The following NEMP1 variants were observed in gnomAD, a reference collection of about 807,000 sequenced individuals.
NEMP1 encodes nuclear envelope integral membrane protein 1, also known as transmembrane protein 194.
A neutral mutation model predicts 53.7 loss-of-function variants in NEMP1; 29 were observed. That is an observed-to-expected ratio of 0.54 (90% confidence interval 0.40 to 0.74). The LOEUF (loss-of-function observed/expected upper bound fraction) is 0.74, where lower values mean the gene tolerates loss of function less well. Ranked by LOEUF, NEMP1 falls within the 30% of genes least tolerant of loss-of-function variation. The pLI is 0.00. For missense variants in NEMP1, 477 were observed against 528.6 expected (o/e 0.90, Z 0.96); for synonymous variants, 193 against 192.9 (o/e 1.00, Z 0.00).
intron 8 of NEMP1, among the ~76,000 whole-genome samples, chr12:57,060,409 T>C (rs2031742128): frequency 6.6e-6 from 1 of 152,220 alleles, no homozygotes; most frequent in African/African-American, 2.4e-5. Flanking sequence ...CTGTAAACTT[T>C]ATGCCATCAT....
At position 57,056,948 on chromosome 12, in the gene NEMP1, A is replaced by C. The variant is rs2136473082; in HGVS notation, c.*2931T>G. On this transcript the variant is annotated 3_prime_UTR_variant, in exon 9 of 9. Coordinates refer to ENST00000300128, the MANE Select transcript of NEMP1 (RefSeq NM_001130963.2). The stretch of plus-strand genomic sequence containing the variant: ...AACAGACGTAAAAATCATGAATTTG[A>C]GGGGAAAAATAAACTAGTTTTGGTG... 1.3e-5 allele frequency: 2 copies of C among 152,312 alleles called. No individual in the cohort carries two copies. The highest frequency in any genetic ancestry group is 3.9e-4 in the East Asian group (2 of 5,190). 9.4% of individuals were successfully genotyped at this position (152,312 alleles called of 1,614,324 possible).
intron 6 of NEMP1, 63 bp from the exon 7 acceptor site, chr12:57,063,407 G>T: frequency 7.2e-7 from 1 of 1,380,292 alleles, no homozygotes; most frequent in East Asian, 2.3e-5. Context: ...TAATTTGTGT[G>T]GGAAGCAGTA....
chr12:57,075,500 CAATAAATAAATA>C lies in NEMP1; in HGVS notation c.128-2600_128-2589del, dbSNP rs71084729. Among the ~76,000 whole-genome samples, 113 of 144,718 alleles carry C rather than the reference CAATAAATAAATA, an allele frequency of 7.8e-4. No homozygotes were observed. In the East Asian group the frequency reaches 0.011, roughly 14 times the overall value. The allele number at this position is 144,718 out of a possible 152,430, so 94.9% of individuals were successfully genotyped here. Reference sequence around the variant, plus strand: ...ACAGAGCAAGACTCCATCTCAATATCAATAAATAAATAAATAAATAAATAAATAAATAAATAG... The same window carrying C: ...ACAGAGCAAGACTCCATCTCAATATCAATAAATAAATAAATAAATAAATAG... On this transcript the variant is annotated intron_variant, in intron 1 of 8. Coordinates refer to ENST00000300128, the MANE Select transcript of NEMP1 (RefSeq NM_001130963.2).
chr12:57,075,144 T>C lies in NEMP1; in HGVS notation c.128-2232A>G, dbSNP rs574333997. On this transcript the variant is annotated intron_variant, in intron 1 of 8. Transcript: ENST00000300128. ...GCTCACACCTGTAATCCCACCACTT[T>C]GGGAGGCCGAGGCAGGTGGATCACC... Among the ~76,000 whole-genome samples the C allele has an allele frequency of 4.0e-5, 6 of 150,038 alleles. No homozygotes were observed. In the East Asian group the frequency reaches 1.2e-3, roughly 30 times the overall value.
chr12:57,061,040 C>G, intron 7 of NEMP1, 95 bp from the exon 8 acceptor site: 2 of 1,267,750 alleles, frequency 1.6e-6, no homozygotes, highest in Non-Finnish European at 2.2e-6. Flanking sequence ...ATACAGCAGA[C>G]AGCCTGAACA....
At chr12:57,079,009 AC>A (rs2032764122), upstream of NEMP1, among the ~76,000 whole-genome samples, 1 of 152,226 alleles carries the variant, frequency 6.6e-6, no homozygotes, top group Non-Finnish European at 1.5e-5. Flanking sequence ...CCCGCTAACA[AC>A]ATGCTTCCGT....
At chr12:57,082,924 C>T (rs894996823), upstream of NEMP1, among the ~76,000 whole-genome samples, 3 of 151,590 alleles carry the variant, frequency 2.0e-5, no homozygotes, top group African/African-American at 7.3e-5. Flanking sequence ...GGGAGGTTGA[C>T]GTGGGAGAAT....
chr12:57,074,959 G>A (rs1017160312), intron 1 of NEMP1, among the ~76,000 whole-genome samples: 9 of 151,952 alleles, frequency 5.9e-5, no homozygotes, highest in Non-Finnish European at 1.0e-4. Context: ...GCATGGTGGC[G>A]GGCACCTGTA....
At chr12:57,060,240 G>C (rs537843844) in intron 8 of NEMP1, among the ~76,000 whole-genome samples, 181 bp from the exon 9 acceptor site, 8 of 152,318 alleles carry the variant, frequency 5.3e-5, no homozygotes, top group Admixed American at 5.2e-4. Context: ...AAGGAGAAAA[G>C]GAAAGCTGGG....
upstream of NEMP1, among the ~76,000 whole-genome samples, chr12:57,080,930 A>G (rs2032829596): frequency 6.6e-6 from 1 of 151,344 alleles, no homozygotes; most frequent in South Asian, 2.1e-4. Flanking sequence ...GGGCTGAGCT[A>G]TGGGCAAGAG....
At chr12:57,062,500 G>A (rs1168002508) in intron 7 of NEMP1, among the ~76,000 whole-genome samples, 1 of 149,686 alleles carries the variant, frequency 6.7e-6, no homozygotes, top group African/African-American at 2.5e-5. Flanking sequence ...TCTGAACCCA[G>A]GAGACCTCAA....
At chr12:57,086,049 G>A (rs576450194) in intron 1 of NEMP1, among the ~76,000 whole-genome samples, 18 of 152,342 alleles carry the variant, frequency 1.2e-4, no homozygotes, top group African/African-American at 4.3e-4. Context: ...ACCGAGGGGT[G>A]GGAGGAATTA....
chr12:57,069,354 A>G (rs543335117), intron 3 of NEMP1, 48 bp from the exon 4 acceptor site: 23 of 1,252,324 alleles, frequency 1.8e-5, no homozygotes, highest in African/African-American at 1.2e-4. Flanking sequence ...AAACTGCTTA[A>G]GGTATTATAG....
upstream of NEMP1, among the ~76,000 whole-genome samples, chr12:57,082,543 T>C (rs1314084910): frequency 6.6e-6 from 1 of 151,996 alleles, no homozygotes; most frequent in Non-Finnish European, 1.5e-5. Context: ...TAGGACTCTG[T>C]CTTTACAAAA....
At chr12:57,070,969 A>C in intron 2 of NEMP1, 76 bp from the exon 3 acceptor site, 1 of 1,255,328 alleles carries the variant, frequency 8.0e-7, no homozygotes, top group Non-Finnish European at 1.1e-6. Context: ...ATTTTTTAAA[A>C]AACCCTCAGA....
At position 57,086,999 on chromosome 12, in the gene NEMP1, G is replaced by A. The variant is rs76231181; in HGVS notation, n.113+952C>T. Among the ~76,000 whole-genome samples the A allele has an allele frequency of 1.7e-3, 258 of 152,330 alleles. 1 individual carries two copies. The highest frequency in any genetic ancestry group is 6.1e-3 in the African/African-American group (252 of 41,582). On this transcript the variant is annotated intron_variant and non_coding_transcript_variant, in intron 1 of 2. Transcript: ENST00000553654. ...GGCACAAAGACACAAACACCCGGTA[G>A]TTTCACTCTCACACACGGGTTCGCA...
In NEMP1 at chr12:57,059,996, C is replaced by T; in HGVS notation, c.1218G>A (p.Gln406=). The change falls in exon 9 of 9, where the codon CAG becomes CAA. Residue 406 remains glutamine, a synonymous_variant. Coordinates refer to ENST00000300128, the MANE Select transcript of NEMP1 (RefSeq NM_001130963.2). ...LTPNEVSVHE[Q]EYGLGSIIAQ... ...CAATAATGCTCCCTAATCCATACTC[C>T]TGCTCATGGACAGAAACTTCATTTG... 3 of 1,613,970 alleles carry T rather than the reference C, an allele frequency of 1.9e-6. No individual in the cohort carries two copies. The highest frequency in any genetic ancestry group is 1.7e-6 in the Non-Finnish European group (2 of 1,179,998).
intron 1 of NEMP1, among the ~76,000 whole-genome samples, chr12:57,085,347 C>G (rs2032961752): frequency 6.6e-6 from 1 of 152,082 alleles, no homozygotes; most frequent in Admixed American, 6.6e-5. Flanking sequence ...CCTGGCCACT[C>G]CTGGAAATCT....
At chr12:57,086,656 G>A (rs1401730156) in intron 1 of NEMP1, among the ~76,000 whole-genome samples, 3 of 152,174 alleles carry the variant, frequency 2.0e-5, no homozygotes, top group Non-Finnish European at 4.4e-5. Flanking sequence ...AAGGGAGTAG[G>A]AGGGGAGTTG....
Sources: allele counts gnomAD v4.1 joint callset (sites outside exome capture counted in the v4.1 genomes callset), GRCh38; gene constraint gnomAD v4.1.1; transcripts MANE v1.5; gene names NCBI Gene and HGNC (gene_info 2026-07-23, HGNC 2026-07-21).